FAM83F: variants seen among roughly 807,000 people sequenced by gnomAD.
FAM83F encodes scaffolding CK1 anchoring protein F.
In FAM83F, 45 loss-of-function variants were observed where a neutral mutation model predicts 42.9. The observed-to-expected ratio is 1.05, with a 90% CI of 0.83 to 1.35. FAM83F has a LOEUF of 1.35. Among genes scored for constraint, FAM83F ranks in the 40% most tolerant of loss-of-function variants. The pLI is 0.00. For missense variants in FAM83F, 617 were observed against 695.9 expected, an observed-to-expected ratio of 0.89 and a Z score of 1.28; for synonymous variants, 306 against 298.3, an observed-to-expected ratio of 1.03 and a Z score of -0.27.
At chr22:40,012,366 C>T (rs2067469891) in intron 1 of FAM83F, among the ~76,000 whole-genome samples, 1 of 152,048 alleles carries the variant, frequency 6.6e-6, no homozygotes, top group Admixed American at 6.5e-5. Context: ...AACTCCTGAC[C>T]TCAGGTGATC....
chr22:40,021,568 G>C lies in FAM83F; in HGVS notation c.1058G>C (p.Gly353Ala), dbSNP rs2067521948. The change falls in exon 4 of 5, where the codon GGC (glycine) becomes GCC (alanine). Residue 353 changes from glycine to alanine, a missense_variant. Transcript: ENST00000333407. The surrounding 1 kb of genome is among the most constrained non-coding windows in gnomAD (Gnocchi z 8.7). ...WAARQQREAG[G>A]NPEGQEEGAS... ...GCCCGGCAACAGCGGGAGGCGGGCG[G>C]CAACCCGGAGGGGCAGGAGGAGGGC... 6.4e-7 allele frequency: 1 copy of C among 1,564,006 alleles called. No homozygotes were observed. Among genetic ancestry groups the C allele is most frequent in the African/African-American group, 1.4e-5 (1 of 73,492 alleles).
At position 40,033,804 on chromosome 22, in the gene FAM83F, G is replaced by C. The variant is rs149172907; in HGVS notation, c.*4239G>C. The C allele has an allele frequency of 6.6e-6, 1 of 152,278 alleles. No homozygotes were observed. Among genetic ancestry groups the C allele is most frequent in the Non-Finnish European group, 1.5e-5 (1 of 68,084 alleles). The allele number at this position is 152,278 out of a possible 1,614,324, so 9.4% of individuals were successfully genotyped here. On this transcript the variant is annotated 3_prime_UTR_variant, in exon 5 of 5. Coordinates refer to ENST00000333407, the MANE Select transcript of FAM83F (RefSeq NM_138435.4). ...GGACACAGCACCCTGGCCCAGAGAGGTTGGCTGACTTGCCTGAGACGCTGC... is the reference window on the plus strand; with the variant it reads ...GGACACAGCACCCTGGCCCAGAGAGCTTGGCTGACTTGCCTGAGACGCTGC...
At chr22:39,998,000 A>G (rs149790807) in intron 1 of FAM83F, 23 of 152,472 alleles carry the variant, frequency 1.5e-4, no homozygotes, top group African/African-American at 4.3e-4. Context: ...AGACTTGCCC[A>G]GAGGTCACGT....
chr22:39,996,633 G>T (rs183449714), intron 1 of FAM83F, among the ~76,000 whole-genome samples: 201 of 152,268 alleles, frequency 1.3e-3, no homozygotes, highest in Non-Finnish European at 2.4e-3. Context: ...TGGAGTCCTG[G>T]TTCCCCTCGA....
At chr22:40,018,184 G>A (rs1298667315) in intron 1 of FAM83F, among the ~76,000 whole-genome samples, 7 of 152,198 alleles carry the variant, frequency 4.6e-5, no homozygotes, top group African/African-American at 1.7e-4. Context: ...ACACCTGAAG[G>A]CCAAGGGAAT....
intron 4 of FAM83F, among the ~76,000 whole-genome samples, chr22:40,027,804 G>A (rs1274259660): frequency 2.0e-5 from 3 of 152,328 alleles, no homozygotes; most frequent in South Asian, 2.1e-4. Context: ...GGCTTCTCCC[G>A]GAGGCAGCCA....
intron 4 of FAM83F, among the ~76,000 whole-genome samples, chr22:40,029,022 A>C (rs2067571189): frequency 6.7e-6 from 1 of 150,254 alleles, no homozygotes; most frequent in African/African-American, 2.5e-5. Context: ...CCGCAGTCTT[A>C]CTTTGCAGGC....
intron 1 of FAM83F, among the ~76,000 whole-genome samples, chr22:40,005,607 A>G (rs984442249): frequency 2.0e-5 from 3 of 152,158 alleles, no homozygotes; most frequent in African/African-American, 7.2e-5. Context: ...TCCTTTGTAC[A>G]TACACCCTCC....
intron 4 of FAM83F, among the ~76,000 whole-genome samples, chr22:40,022,968 T>G (rs1351634341): frequency 6.6e-6 from 1 of 152,238 alleles, no homozygotes; most frequent in Non-Finnish European, 1.5e-5. Flanking sequence ...AGCACTGCTT[T>G]GGAGTCTGAC....
rs149650516 is a variant in FAM83F at position 40,040,296 on chromosome 22, G to A, written c.*10731G>A. ...TTACTCGTTGGAGTCAGACCGCCTA[G>A]GTTCAACGATGGGTTAGTTAGCCCT... On this transcript the variant is annotated 3_prime_UTR_variant, in exon 5 of 5. Transcript: ENST00000333407. 6.6e-6 allele frequency: 1 copy of A among 152,290 alleles called. No homozygotes were observed. Among genetic ancestry groups the A allele is most frequent in the African/African-American group, 2.4e-5 (1 of 41,566 alleles). The allele number at this position is 152,290 out of a possible 1,614,324, so 9.4% of individuals were successfully genotyped here.
At chr22:40,017,533 C>T (rs1043488638) in intron 1 of FAM83F, among the ~76,000 whole-genome samples, 5 of 152,204 alleles carry the variant, frequency 3.3e-5, no homozygotes, top group Admixed American at 2.0e-4. Flanking sequence ...ATGCCTGGCC[C>T]TGCACTCAGC....
chr22:40,020,141 C>A, intron 3 of FAM83F, 133 bp downstream of exon 3: 1 of 1,309,826 alleles, frequency 7.6e-7, no homozygotes, highest in African/African-American at 1.5e-5. Flanking sequence ...CAAAGGACAG[C>A]TTTCTGCCCA....
At chr22:40,001,394 T>G (rs2067401041) in intron 1 of FAM83F, among the ~76,000 whole-genome samples, 1 of 152,158 alleles carries the variant, frequency 6.6e-6, no homozygotes, top group South Asian at 2.1e-4. Flanking sequence ...TCCCCAGCAC[T>G]TTGGGAGGCC....
chr22:40,007,418 CCTCCTCCTCTCCT>C (rs1423209443), intron 1 of FAM83F, among the ~76,000 whole-genome samples: 1 of 39,104 alleles, frequency 2.6e-5, no homozygotes, highest in Non-Finnish European at 5.4e-5. Flanking sequence ...TTCCTCCTGT[CCTCCTCCTCTCCT>C]CTCCTCCTCT....
chr22:40,038,862 A>G lies in FAM83F; in HGVS notation c.*9297A>G, dbSNP rs1489582022. 5.9e-5 allele frequency: 9 copies of G among 152,284 alleles called. No individual in the cohort carries two copies. Among genetic ancestry groups the G allele is most frequent in the Non-Finnish European group, 1.2e-4 (8 of 68,086 alleles). The allele number at this position is 152,284 out of a possible 1,614,324, so 9.4% of individuals were successfully genotyped here. A position where few individuals can be genotyped will look rare whatever the true frequency, so the allele number is the denominator to read the frequency against. ...ACCCGTGAGTCTCACAACAGCCCCA[A>G]CAGGCAAGTGTTATTTTCCTCAATT... On this transcript the variant is annotated 3_prime_UTR_variant, in exon 5 of 5. Transcript: ENST00000333407.
At chr22:40,008,877 G>A (rs1042721603) in intron 1 of FAM83F, among the ~76,000 whole-genome samples, 28 of 152,198 alleles carry the variant, frequency 1.8e-4, no homozygotes, top group African/African-American at 6.5e-4. Context: ...GGCAGACCCA[G>A]CTCTACCCTC....
chr22:40,005,855 C>T (rs916577403), intron 1 of FAM83F, among the ~76,000 whole-genome samples: 4 of 152,104 alleles, frequency 2.6e-5, no homozygotes, highest in African/African-American at 4.8e-5. Context: ...GACAATGGAA[C>T]GCGGCCACAG....
chr22:40,019,456 C>G, intron 2 of FAM83F, 121 bp downstream of exon 2: 1 of 847,098 alleles, frequency 1.2e-6, no homozygotes, highest in Non-Finnish European at 1.9e-6. Context: ...TTCAAGATCT[C>G]AACACCTTTC....
chr22:40,020,042 G>A, intron 3 of FAM83F, 34 bp downstream of exon 3: 2 of 1,587,806 alleles, frequency 1.3e-6, no homozygotes, highest in Non-Finnish European at 1.7e-6. Context: ...GGGCCCAGGA[G>A]GCCTTGATTC....
Sources: allele counts gnomAD v4.1 joint callset (sites outside exome capture counted in the v4.1 genomes callset), GRCh38; gene constraint gnomAD v4.1.1; non-coding constraint Gnocchi (gnomAD v3.1); transcripts MANE v1.5; gene names NCBI Gene and HGNC (gene_info 2026-07-23, HGNC 2026-07-21).